The following UNC13C variants were observed in gnomAD, a reference collection of about 807,000 sequenced individuals.
The protein encoded by UNC13C is protein unc-13 homolog C.
Under a neutral mutation model 245.4 loss-of-function variants are expected in UNC13C, and 174 were observed. That is an observed-to-expected ratio of 0.71 (90% CI 0.63 to 0.80). The LOEUF is 0.80. Among genes scored for constraint, UNC13C ranks in the 30% least tolerant of loss-of-function variants. The pLI, the probability that UNC13C is intolerant of heterozygous loss-of-function variation, is 0.00. For missense variants in UNC13C, 2,829 were observed against 2,602.9 expected (o/e 1.09, Z -1.89); for synonymous variants, 992 against 895.1 (o/e 1.11, Z -1.93).
intron 4 of UNC13C, among the ~76,000 whole-genome samples, chr15:54,163,657 T>C (rs1354710335): frequency 1.3e-5 from 2 of 152,202 alleles, no homozygotes; most frequent in African/African-American, 4.8e-5. Flanking sequence ...GGATTGCTTT[T>C]ATCATCAATC....
intron 17 of UNC13C, among the ~76,000 whole-genome samples, chr15:54,376,751 C>T (rs768087690): frequency 1.5e-4 from 23 of 152,246 alleles, no homozygotes; most frequent in Non-Finnish European, 2.5e-4. Context: ...TCTCTGAGAA[C>T]CCATTGAAAA....
chr15:54,232,591 A>T (rs1465881775), intron 4 of UNC13C, among the ~76,000 whole-genome samples: 1 of 152,130 alleles, frequency 6.6e-6, no homozygotes, highest in East Asian at 1.9e-4. Flanking sequence ...AAAATTCACA[A>T]CTCATTTATA....
intron 17 of UNC13C, among the ~76,000 whole-genome samples, chr15:54,357,759 G>A (rs1361540378): frequency 2.6e-5 from 4 of 152,082 alleles, no homozygotes; most frequent in South Asian, 2.1e-4. Flanking sequence ...TCAGTAAACT[G>A]TTCTTTGGTT....
the UNC13C span, among the ~76,000 whole-genome samples, chr15:53,869,661 C>T: frequency 3.9e-5 from 6 of 152,312 alleles, no homozygotes; most frequent in South Asian, 6.2e-4. Context: ...TTCTGCCTGT[C>T]AGTCTGGCTA....
At chr15:54,320,989 C>A in intron 13 of UNC13C, 1 of 422,156 alleles carries the variant, frequency 2.4e-6, no homozygotes. Flanking sequence ...CCACTACCAC[C>A]ACAGCTGCCA....
chr15:54,279,046 T>G (rs751788895), intron 10 of UNC13C, among the ~76,000 whole-genome samples: 6 of 152,220 alleles, frequency 3.9e-5, no homozygotes, highest in Non-Finnish European at 8.8e-5. Context: ...ACATATTTAT[T>G]CAACTTTAGT....
the UNC13C span, among the ~76,000 whole-genome samples, chr15:53,879,637 G>A: frequency 6.6e-6 from 1 of 152,036 alleles, no homozygotes; most frequent in East Asian, 1.9e-4. Flanking sequence ...CGCCCAGGCT[G>A]GAGTGCGGTG....
At chr15:54,065,994 A>G (rs564323123) in intron 2 of UNC13C, among the ~76,000 whole-genome samples, 1 of 152,334 alleles carries the variant, frequency 6.6e-6, no homozygotes, top group East Asian at 1.9e-4. Context: ...TTTACTATTT[A>G]TTAGCATGAA....
At chr15:54,118,408 G>T (rs2030427869) in intron 2 of UNC13C, among the ~76,000 whole-genome samples, 1 of 151,768 alleles carries the variant, frequency 6.6e-6, no homozygotes, top group Non-Finnish European at 1.5e-5. Context: ...TCTTCTTGTA[G>T]CTATTTTAAT....
rs1019911943 is a variant in UNC13C at position 54,171,561 on chromosome 15, G to A, written c.3071+27877G>A. Reference sequence around the variant, plus strand: ...ATCAAAACTACAATGTAATATCATCGCACCCCAGTTAAAAGGACTTTTAAC... The same window carrying A: ...ATCAAAACTACAATGTAATATCATCACACCCCAGTTAAAAGGACTTTTAAC... On this transcript the variant is annotated intron_variant, in intron 4 of 32. Coordinates refer to ENST00000260323, the MANE Select transcript of UNC13C (RefSeq NM_001080534.3). Among the ~76,000 whole-genome samples the A allele has an allele frequency of 3.3e-5, 5 of 152,002 alleles. No homozygotes were observed. In the East Asian group the frequency reaches 5.8e-4, roughly 18 times the overall value.
chr15:54,192,975 A>G (rs771893957), intron 4 of UNC13C, among the ~76,000 whole-genome samples: 1 of 151,964 alleles, frequency 6.6e-6, no homozygotes, highest in South Asian at 2.1e-4. Context: ...ATTTTTATTC[A>G]TTTTTTAAAT....
At chr15:54,528,925 C>G (rs1320824237) in intron 25 of UNC13C, among the ~76,000 whole-genome samples, 1 of 152,196 alleles carries the variant, frequency 6.6e-6, no homozygotes, top group East Asian at 1.9e-4. Flanking sequence ...TCATTTTCCC[C>G]ACCATCTCTT....
At chr15:53,933,689 T>C in the UNC13C span, among the ~76,000 whole-genome samples, 27 of 152,232 alleles carry the variant, frequency 1.8e-4, no homozygotes, top group Non-Finnish European at 3.7e-4. Context: ...TGCTGTTGAA[T>C]ACGTCTGTGC....
At chr15:54,580,957 G>A (rs1898174116) in intron 30 of UNC13C, among the ~76,000 whole-genome samples, 1 of 152,126 alleles carries the variant, frequency 6.6e-6, no homozygotes, top group South Asian at 2.1e-4. Flanking sequence ...TATATTTATT[G>A]AACCTGTACT....
chr15:54,444,691 T>G (rs1890709988), intron 19 of UNC13C, among the ~76,000 whole-genome samples: 1 of 151,964 alleles, frequency 6.6e-6, no homozygotes, highest in African/African-American at 2.4e-5. Flanking sequence ...CTAATTTTTT[T>G]GTGTGTGCTC....
At chr15:54,488,652 T>C (rs1486337575) in intron 19 of UNC13C, among the ~76,000 whole-genome samples, 3 of 152,182 alleles carry the variant, frequency 2.0e-5, no homozygotes, top group Non-Finnish European at 2.9e-5. Flanking sequence ...TATTTTCAAG[T>C]GAATGCTTGT....
At chr15:54,527,364 A>C (rs1023594731) in intron 25 of UNC13C, among the ~76,000 whole-genome samples, 4 of 152,082 alleles carry the variant, frequency 2.6e-5, no homozygotes, top group Non-Finnish European at 5.9e-5. Context: ...GCAACATTAG[A>C]GACTATTTAG....
chr15:53,895,349 A>G, the UNC13C span, among the ~76,000 whole-genome samples: 1 of 149,378 alleles, frequency 6.7e-6, no homozygotes, highest in African/African-American at 2.5e-5. Flanking sequence ...TCATCTCAAA[A>G]AAAAAAAAAA....
chr15:54,205,524 A>G (rs998951754), intron 4 of UNC13C, among the ~76,000 whole-genome samples: 1 of 152,016 alleles, frequency 6.6e-6, no homozygotes, highest in African/African-American at 2.4e-5. Context: ...GCCACACAGT[A>G]AAGGCTCTAT....
Sources: gnomAD v4.1 joint callset for allele counts (sites outside exome capture counted in the v4.1 genomes callset) on GRCh38, gnomAD v4.1.1 for gene constraint, MANE v1.5 for transcripts, NCBI Gene and HGNC (gene_info 2026-07-23, HGNC 2026-07-21) for gene names.